MLLT3: variants seen among roughly 807,000 people sequenced by gnomAD.
MLLT3 encodes protein AF-9.
A neutral mutation model predicts 53.2 loss-of-function variants in MLLT3; 4 were observed. The observed-to-expected ratio is 0.08, with a 90% confidence interval of 0.04 to 0.17. The LOEUF is 0.17. Ranked by LOEUF, MLLT3 falls within the 10% of genes least tolerant of loss-of-function variation. The probability of loss-of-function intolerance (pLI) is 1.00; values close to 1 mark genes in which losing one functional copy is unlikely to be tolerated. For synonymous variants in MLLT3, 283 were observed against 230.6 expected (o/e 1.23, Z -2.06); for missense variants, 569 against 684.0 (o/e 0.83, Z 1.87).
chr9:20,511,956 C>T (rs1817761892), intron 2 of MLLT3, among the ~76,000 whole-genome samples: 1 of 152,050 alleles, frequency 6.6e-6, no homozygotes. Flanking sequence ...GTACAGAGTT[C>T]TAAAATAGAA....
intron 4 of MLLT3, among the ~76,000 whole-genome samples, chr9:20,443,652 T>C (rs1823609871): frequency 6.6e-6 from 1 of 152,194 alleles, no homozygotes; most frequent in South Asian, 2.1e-4. Context: ...AAATATTGAG[T>C]AGCTTACACT....
At chr9:20,433,103 G>C (rs1823318005) in intron 4 of MLLT3, among the ~76,000 whole-genome samples, 1 of 151,926 alleles carries the variant, frequency 6.6e-6, no homozygotes, top group African/African-American at 2.4e-5. Context: ...AGCAAAGTAG[G>C]CAACGGTGAG....
chr9:20,456,839 A>G, intron 2 of MLLT3, 53 bp from the exon 3 acceptor site: 2 of 1,323,896 alleles, frequency 1.5e-6, no homozygotes, highest in African/African-American at 1.5e-5. Flanking sequence ...ACAAAAAGAC[A>G]TTCTTCTTTT....
chr9:20,455,702 A>G (rs1823948656), intron 3 of MLLT3, among the ~76,000 whole-genome samples: 1 of 152,176 alleles, frequency 6.6e-6, no homozygotes, highest in African/African-American at 2.4e-5. Flanking sequence ...TGGAGGAAAA[A>G]TAAGGAATAT....
chr9:20,495,548 A>G (rs966268811), intron 2 of MLLT3, among the ~76,000 whole-genome samples: 3 of 152,206 alleles, frequency 2.0e-5, no homozygotes, highest in Non-Finnish European at 4.4e-5. Flanking sequence ...GCCTTTCCAC[A>G]TAGATTTAGA....
At chr9:20,456,303 T>A (rs944346221) in intron 3 of MLLT3, among the ~76,000 whole-genome samples, 1 of 152,138 alleles carries the variant, frequency 6.6e-6, no homozygotes, top group African/African-American at 2.4e-5. Flanking sequence ...ACATGTATGG[T>A]GTGGGTACCA....
At chr9:20,613,113 T>C (rs1249875896) in intron 2 of MLLT3, among the ~76,000 whole-genome samples, 1 of 152,172 alleles carries the variant, frequency 6.6e-6, no homozygotes, top group Non-Finnish European at 1.5e-5. Flanking sequence ...CGTGGCTCTT[T>C]ATAGATGAAA....
At chr9:20,363,162 A>G (rs2118641050) in intron 7 of MLLT3, 1 of 238,854 alleles carries the variant, frequency 4.2e-6, no homozygotes, top group South Asian at 1.3e-4. Flanking sequence ...GTGGATCAAC[A>G]CAAACTCTTC....
rs1821124292 is a variant in MLLT3, at chr9:20,354,865, T to C, written c.1446A>G (p.Lys482=). 1 of 1,612,068 alleles carries C rather than the reference T, an allele frequency of 6.2e-7. No individual in the cohort carries two copies. The highest frequency in any genetic ancestry group is 1.3e-5 in the African/African-American group (1 of 74,824). Residue 482 remains lysine (K), a synonymous_variant, in exon 9 of 11, where the codon AAA becomes AAG. Transcript: ENST00000380338. ...KTNNNQILEV[K]SPIKQSKSDK... Reference sequence around the variant, plus strand: ...CTGATTTGCTTTGCTTTATTGGACTTTTCACTTCAAGAATCTAGGGATCAA... The same window carrying C: ...CTGATTTGCTTTGCTTTATTGGACTCTTCACTTCAAGAATCTAGGGATCAA...
At chr9:20,534,073 C>G (rs995956511) in intron 2 of MLLT3, among the ~76,000 whole-genome samples, 3 of 151,802 alleles carry the variant, frequency 2.0e-5, no homozygotes, top group African/African-American at 7.3e-5. Context: ...CCTAATTTGT[C>G]AATTAAATAT....
intron 5 of MLLT3, among the ~76,000 whole-genome samples, chr9:20,401,351 A>G (rs1297411122): frequency 6.6e-6 from 1 of 152,202 alleles, no homozygotes; most frequent in East Asian, 1.9e-4. Context: ...CTAATTAGAA[A>G]ACACAGGAAG....
chr9:20,428,889 T>C (rs1333265551), intron 4 of MLLT3, among the ~76,000 whole-genome samples: 1 of 152,052 alleles, frequency 6.6e-6, no homozygotes, highest in African/African-American at 2.4e-5. Flanking sequence ...AAGCAAACCT[T>C]GGGAAAAATG....
chr9:20,438,760 C>A (rs891095520), intron 4 of MLLT3, among the ~76,000 whole-genome samples: 11 of 152,014 alleles, frequency 7.2e-5, no homozygotes, highest in Non-Finnish European at 1.3e-4. Flanking sequence ...GGTCACCATA[C>A]GCATGGACTT....
At chr9:20,457,101 G>A (rs1391141747) in intron 2 of MLLT3, among the ~76,000 whole-genome samples, 2 of 152,082 alleles carry the variant, frequency 1.3e-5, no homozygotes, top group African/African-American at 4.8e-5. Context: ...TAGGGAAACT[G>A]ATGATTGCTC....
chr9:20,480,172 A>C (rs1484195787), intron 2 of MLLT3, among the ~76,000 whole-genome samples: 2 of 152,250 alleles, frequency 1.3e-5, no homozygotes, highest in Admixed American at 1.3e-4. Flanking sequence ...AAGCAAAATA[A>C]AAGTAAAACA....
At chr9:20,432,212 G>A (rs547227158) in intron 4 of MLLT3, among the ~76,000 whole-genome samples, 1 of 152,274 alleles carries the variant, frequency 6.6e-6, no homozygotes, top group African/African-American at 2.4e-5. Context: ...AAAGAGTCCT[G>A]TGCGGTAAGT....
At chr9:20,462,121 G>C (rs938180667) in intron 2 of MLLT3, among the ~76,000 whole-genome samples, 5 of 152,146 alleles carry the variant, frequency 3.3e-5, no homozygotes, top group African/African-American at 1.2e-4. Context: ...TCAGAGGGTA[G>C]CTTACCGCAC....
At chr9:20,513,502 C>T (rs1430394388) in intron 2 of MLLT3, among the ~76,000 whole-genome samples, 1 of 152,166 alleles carries the variant, frequency 6.6e-6, no homozygotes, top group Non-Finnish European at 1.5e-5. Context: ...GAGCTATGGG[C>T]CAAGGCCTTT....
At chr9:20,479,909 G>C (rs982774993) in intron 2 of MLLT3, among the ~76,000 whole-genome samples, 3 of 152,132 alleles carry the variant, frequency 2.0e-5, no homozygotes, top group African/African-American at 7.2e-5. Flanking sequence ...TACAACAGCT[G>C]AGTTATGTGA....
Sources: gnomAD v4.1 joint callset for allele counts (sites outside exome capture counted in the v4.1 genomes callset) on GRCh38, gnomAD v4.1.1 for gene constraint, MANE v1.5 for transcripts, NCBI Gene and HGNC (gene_info 2026-07-23, HGNC 2026-07-21) for gene names.